Variants in KALRN observed in about 807,000 individuals in gnomAD.
KALRN encodes kalirin.
KALRN carries 70 observed loss-of-function variants against 353.7 expected under a neutral mutation model. The observed-to-expected ratio is 0.20, with a 90% CI of 0.16 to 0.24. The LOEUF (loss-of-function observed/expected upper bound fraction) is 0.24. Ranked by LOEUF, KALRN falls within the 10% of genes least tolerant of loss-of-function variation. The pLI, the probability that KALRN is intolerant of heterozygous loss-of-function variation, is 1.00. For missense variants in KALRN, 2,791 were observed against 3,756.7 expected (o/e 0.74, Z 6.72); for synonymous variants, 1,391 against 1,434.8 (o/e 0.97, Z 0.69).
At chr3:124,380,312 T>C (rs1390072330) in intron 10 of KALRN, among the ~76,000 whole-genome samples, 1 of 152,134 alleles carries the variant, frequency 6.6e-6, no homozygotes, top group East Asian at 1.9e-4. Flanking sequence ...GGGGAGAAAA[T>C]TTAAAAGTAA....
At chr3:124,549,417 A>G (rs905360741) in intron 33 of KALRN, among the ~76,000 whole-genome samples, 5 of 151,932 alleles carry the variant, frequency 3.3e-5, no homozygotes, top group Non-Finnish European at 5.9e-5. Flanking sequence ...TCTCACACAC[A>G]CATACACGGG....
At chr3:124,307,443 G>T (rs2077814949) in intron 6 of KALRN, among the ~76,000 whole-genome samples, 1 of 151,910 alleles carries the variant, frequency 6.6e-6, no homozygotes, top group Non-Finnish European at 1.5e-5. Flanking sequence ...TCTAATGTTT[G>T]GTTTGTAACA....
chr3:124,701,372 T>TTTTC (rs1299755346), intron 56 of KALRN, among the ~76,000 whole-genome samples: 60 of 138,266 alleles, frequency 4.3e-4, no homozygotes, highest in Non-Finnish European at 8.3e-4. Context: ...AATTTTTTCT[T>TTTTC]TTTCTTTCTT....
At chr3:124,492,481 C>T (rs1162632464) in intron 31 of KALRN, among the ~76,000 whole-genome samples, 4 of 152,168 alleles carry the variant, frequency 2.6e-5, no homozygotes, top group Non-Finnish European at 4.4e-5. Context: ...TGGTCAGTGC[C>T]TTATGAGTTA....
At chr3:124,589,212 G>A (rs2075524959) in intron 34 of KALRN, among the ~76,000 whole-genome samples, 1 of 152,164 alleles carries the variant, frequency 6.6e-6, no homozygotes, top group Non-Finnish European at 1.5e-5. Context: ...AATTAATATA[G>A]CCCATTTGAT....
chr3:124,052,438 G>C (rs190599779), intron 1 of KALRN, among the ~76,000 whole-genome samples: 1 of 151,974 alleles, frequency 6.6e-6, no homozygotes, highest in African/African-American at 2.4e-5. Context: ...GCTCTTCCAA[G>C]GTACAGGGAG....
At chr3:124,683,362 C>T (rs989181134) in intron 51 of KALRN, among the ~76,000 whole-genome samples, 3 of 152,132 alleles carry the variant, frequency 2.0e-5, no homozygotes, top group Non-Finnish European at 4.4e-5. Flanking sequence ...TCTTAGGACC[C>T]AGGTGAGGCA....
At chr3:124,109,349 T>C (rs2062618319) in intron 1 of KALRN, among the ~76,000 whole-genome samples, 1 of 152,088 alleles carries the variant, frequency 6.6e-6, no homozygotes, top group Non-Finnish European at 1.5e-5. Flanking sequence ...TTTATTCTCT[T>C]TTTAGCTGTG....
chr3:124,660,114 G>A (rs1348976869), intron 43 of KALRN, among the ~76,000 whole-genome samples: 1 of 151,350 alleles, frequency 6.6e-6, no homozygotes, highest in Non-Finnish European at 1.5e-5. Context: ...TATTTTTTTT[G>A]TAGAGACACG....
At chr3:124,448,566 CT>C (rs2150703964) in intron 21 of KALRN, among the ~76,000 whole-genome samples, 1 of 152,210 alleles carries the variant, frequency 6.6e-6, no homozygotes, top group South Asian at 2.1e-4. Flanking sequence ...ATACATTTCT[CT>C]GCCTGGAATA....
chr3:124,584,985 G>A, intron 34 of KALRN: 1 of 1,499,906 alleles, frequency 6.7e-7, no homozygotes, highest in Admixed American at 2.1e-5. Flanking sequence ...TGGTAGGGAG[G>A]GAAGGGTTGG....
In KALRN at chr3:124,562,920, G is replaced by A. The variant is rs1321204632; in HGVS notation, c.5013G>A (p.Val1671=). 2.9e-6 allele frequency: 4 copies of A among 1,367,778 alleles called. No individual in the cohort carries two copies. Among genetic ancestry groups the A allele is most frequent in the African/African-American group, 1.5e-5 (1 of 67,758 alleles). 84.7% of individuals were successfully genotyped at this position (1,367,778 alleles called of 1,614,324 possible). The part of the protein sequence containing the change: ...AGHSSELTIQ[V]GQTVELLERP... ...ACAGCAGTGAGCTGACCATCCAGGT[G>A]GGGCAGACGGTAGAGCTGCTGGAGC... Residue 1671 remains valine, a synonymous_variant, in exon 34 of 60, where the codon GTG becomes GTA. Coordinates refer to ENST00000682506, the MANE Select transcript of KALRN (RefSeq NM_001388419.1).
At chr3:124,508,220 T>A (rs1387756885) in intron 33 of KALRN, among the ~76,000 whole-genome samples, 1 of 152,202 alleles carries the variant, frequency 6.6e-6, no homozygotes, top group East Asian at 1.9e-4. Flanking sequence ...TGAACATAGA[T>A]GTAAAAACCA....
At chr3:124,651,301 A>G (rs1383115587) in intron 38 of KALRN, among the ~76,000 whole-genome samples, 1 of 152,220 alleles carries the variant, frequency 6.6e-6, no homozygotes, top group Admixed American at 6.5e-5. Context: ...AGATAGTCTG[A>G]TAGAGATCAC....
At chr3:124,256,641 C>T (rs1008957441) in intron 3 of KALRN, among the ~76,000 whole-genome samples, 1 of 152,128 alleles carries the variant, frequency 6.6e-6, no homozygotes, top group Non-Finnish European at 1.5e-5. Context: ...ATTCATTCCT[C>T]ACACACCCAC....
intron 5 of KALRN, among the ~76,000 whole-genome samples, chr3:124,278,517 A>G (rs1464524265): frequency 7.3e-5 from 11 of 150,228 alleles, no homozygotes; most frequent in African/African-American, 2.5e-4. Flanking sequence ...AGAAAAGTTC[A>G]TTGACTCATT....
chr3:124,708,424 A>G (rs954970669), intron 57 of KALRN, among the ~76,000 whole-genome samples: 1 of 152,370 alleles, frequency 6.6e-6, no homozygotes, highest in Non-Finnish European at 1.5e-5. Flanking sequence ...GAAGTTATTG[A>G]CAGAGAAATA....
At chr3:124,443,929 A>G (rs989121080) in intron 19 of KALRN, among the ~76,000 whole-genome samples, 2 of 152,194 alleles carry the variant, frequency 1.3e-5, no homozygotes, top group Admixed American at 6.5e-5. Context: ...TTCCTTGCCC[A>G]ATTGAAGCTT....
At chr3:124,310,791 G>A (rs1474324682) in intron 6 of KALRN, among the ~76,000 whole-genome samples, 1 of 152,040 alleles carries the variant, frequency 6.6e-6, no homozygotes, top group African/African-American at 2.4e-5. Context: ...AAAAAATTTT[G>A]TGCATCAAAA....
Sources: gnomAD v4.1 joint callset for allele counts (sites outside exome capture counted in the v4.1 genomes callset) on GRCh38, gnomAD v4.1.1 for gene constraint, MANE v1.5 for transcripts, NCBI Gene and HGNC (gene_info 2026-07-23, HGNC 2026-07-21) for gene names.